Variants in SLC7A11 observed in about 807,000 individuals in gnomAD.
The protein encoded by SLC7A11 is solute carrier family 7 member 11.
SLC7A11 carries 35 observed loss-of-function variants against 54.5 expected under a neutral mutation model. The ratio of observed to expected loss-of-function variants is 0.64; its 90% CI spans 0.49 to 0.85. The LOEUF is 0.85. Among genes scored for constraint, SLC7A11 ranks in the 40% least tolerant of loss-of-function variants. The pLI is 0.00. For synonymous variants in SLC7A11, 230 were observed against 225.2 expected (o/e 1.02, Z -0.19); for missense variants, 583 against 618.1 (o/e 0.94, Z 0.60).
Position 138,232,371 on chromosome 4 carries a change from G to T in SLC7A11, c.416C>A (p.Thr139Asn). Residue 139 changes from threonine to asparagine, a missense_variant, in exon 3 of 12, where the codon ACT becomes AAT. Coordinates refer to ENST00000280612, the MANE Select transcript of SLC7A11 (RefSeq NM_014331.4). ...VELLIIRPAATAVISLAFGRY... is the reference protein window; with the variant it reads ...VELLIIRPAANAVISLAFGRY... ...TCCAAATGCCAGGGATATCACAGCA[G>T]TAGCTGCAGGGCTAAAAAAAAATGT... The T allele has an allele frequency of 6.3e-7, 1 of 1,599,318 alleles. No homozygotes were observed. Among genetic ancestry groups the T allele is most frequent in the African/African-American group, 1.3e-5 (1 of 74,704 alleles).
chr4:138,236,162 T>G (rs1209090125), intron 2 of SLC7A11, among the ~76,000 whole-genome samples, 163 bp downstream of exon 2: 1 of 152,224 alleles, frequency 6.6e-6, no homozygotes, highest in Non-Finnish European at 1.5e-5. Context: ...TAAAAATATC[T>G]TAATTCAGAA....
intron 1 of SLC7A11, among the ~76,000 whole-genome samples, chr4:138,238,657 T>A (rs1738300778): frequency 6.6e-6 from 1 of 152,026 alleles, no homozygotes; most frequent in Non-Finnish European, 1.5e-5. Flanking sequence ...TGGAGTGCAG[T>A]GGCACAATCT....
At chr4:138,202,970 G>C (rs183533126) in intron 6 of SLC7A11, among the ~76,000 whole-genome samples, 1 of 152,132 alleles carries the variant, frequency 6.6e-6, no homozygotes. Context: ...AATACGAAAT[G>C]AGTAAAATCA....
chr4:138,219,211 G>A, intron 5 of SLC7A11, 55 bp downstream of exon 5: 1 of 969,742 alleles, frequency 1.0e-6, no homozygotes, highest in South Asian at 1.4e-5. Flanking sequence ...TAATCTGAGT[G>A]CATAATGGGA....
chr4:138,238,044 C>T (rs13123740), intron 1 of SLC7A11, among the ~76,000 whole-genome samples: 68,132 of 151,534 alleles, frequency 0.45, 15,986 homozygotes, highest in Middle Eastern at 0.62. Context: ...TGAGCCACTG[C>T]GCCCGGCCCA....
chr4:138,180,825 C>A (rs1736723156), intron 9 of SLC7A11, 35 bp from the exon 10 acceptor site: 1 of 1,591,782 alleles, frequency 6.3e-7, no homozygotes, highest in African/African-American at 1.4e-5. Flanking sequence ...TTGGTGAATT[C>A]AGTGAAAACA....
chr4:138,218,386 A>G (rs1737727797), intron 5 of SLC7A11, among the ~76,000 whole-genome samples: 1 of 152,238 alleles, frequency 6.6e-6, no homozygotes, highest in Non-Finnish European at 1.5e-5. Flanking sequence ...TTATCCCAAA[A>G]CAATGAAATT....
intron 5 of SLC7A11, among the ~76,000 whole-genome samples, chr4:138,215,994 A>G (rs975068648): frequency 6.6e-6 from 1 of 152,222 alleles, no homozygotes; most frequent in Non-Finnish European, 1.5e-5. Context: ...AAGGGCTTGG[A>G]GCAGGATGGT....
chr4:138,176,642 C>T (rs1736577453), intron 11 of SLC7A11: 1 of 152,108 alleles, frequency 6.6e-6, no homozygotes, highest in Non-Finnish European at 1.5e-5. Flanking sequence ...AAAGTGGGAT[C>T]GAACAATGGC....
rs752680028 is a variant in SLC7A11, at chr4:138,170,271, T to TATATATATATATACACAC, written c.*1684_*1685insGTGTGTATATATATATAT. On this transcript the variant is annotated 3_prime_UTR_variant, in exon 12 of 12. Coordinates refer to ENST00000280612, the MANE Select transcript of SLC7A11 (RefSeq NM_014331.4). ...GTGTGTATATATATATATATATATA[T>TATATATATATATACACAC]ACACACACACACACACACACACATA... 6.3e-4 allele frequency: 54 copies of TATATATATATATACACAC among 86,228 alleles called. No individual in the cohort carries two copies. Among genetic ancestry groups the TATATATATATATACACAC allele is most frequent in the African/African-American group, 1.3e-3 (32 of 23,782 alleles). 5.3% of individuals were successfully genotyped at this position (86,228 alleles called of 1,614,324 possible).
At chr4:138,189,405 T>A (rs559888069) in intron 6 of SLC7A11, among the ~76,000 whole-genome samples, 2 of 152,068 alleles carry the variant, frequency 1.3e-5, no homozygotes, top group East Asian at 3.9e-4. Context: ...AGAGGTTGAG[T>A]GACATAACCA....
intron 6 of SLC7A11, 108 bp from the exon 7 acceptor site, chr4:138,185,352 T>A: frequency 8.0e-7 from 1 of 1,243,060 alleles, no homozygotes; most frequent in Non-Finnish European, 1.2e-6. Context: ...GTATCTACAA[T>A]AATTATAGGC....
At chr4:138,184,722 G>A (rs963888156) in intron 7 of SLC7A11, among the ~76,000 whole-genome samples, 2 of 152,060 alleles carry the variant, frequency 1.3e-5, no homozygotes, top group Non-Finnish European at 2.9e-5. Flanking sequence ...GACACTTGGG[G>A]AAAGGATTCT....
intron 6 of SLC7A11, among the ~76,000 whole-genome samples, chr4:138,185,450 G>A (rs1009142977): frequency 3.3e-5 from 5 of 152,186 alleles, no homozygotes; most frequent in Admixed American, 2.0e-4. Flanking sequence ...CAGATACTTC[G>A]TCTGTCTTGT....
At chr4:138,186,508 T>TC (rs1736884498) in intron 6 of SLC7A11, among the ~76,000 whole-genome samples, 1 of 152,082 alleles carries the variant, frequency 6.6e-6, no homozygotes, top group Non-Finnish European at 1.5e-5. Flanking sequence ...GCCTGACACT[T>TC]CCCCGGATTC....
intron 3 of SLC7A11, among the ~76,000 whole-genome samples, chr4:138,231,100 A>C (rs189075673): frequency 1.3e-5 from 2 of 152,286 alleles, no homozygotes; most frequent in East Asian, 3.9e-4. Flanking sequence ...GTCAAATACC[A>C]TAGGTTCTCA....
At chr4:138,228,952 T>C (rs938559363) in intron 3 of SLC7A11, among the ~76,000 whole-genome samples, 1 of 152,098 alleles carries the variant, frequency 6.6e-6, no homozygotes, top group African/African-American at 2.4e-5. Flanking sequence ...TGAAATACAG[T>C]ACTTAAAAAA....
rs773906836 is a variant in SLC7A11 at position 138,242,048 on chromosome 4, A to G, written c.22T>C (p.Ser8Pro). Residue 8 changes from serine (S) to proline (P), a missense_variant, in exon 1 of 12, where the codon TCC (serine) becomes CCC (proline). Coordinates refer to ENST00000280612, the MANE Select transcript of SLC7A11 (RefSeq NM_014331.4). The stretch of plus-strand genomic sequence containing the variant: ...AGGTAACCTCCTTTGGAGATGGTGG[A>G]CACAACAGGCTTTCTGACCATAGTA... Reference protein sequence around the residue: MVRKPVVSTISKGGYLQG... With the variant: MVRKPVVPTISKGGYLQG... 1 of 1,614,058 alleles carries G rather than the reference A, an allele frequency of 6.2e-7. No homozygotes were observed.
At chr4:138,174,273 A>G (rs1270356375) in intron 11 of SLC7A11, among the ~76,000 whole-genome samples, 1 of 152,158 alleles carries the variant, frequency 6.6e-6, no homozygotes, top group Non-Finnish European at 1.5e-5. Context: ...AGCAACTTAG[A>G]TCCTGCTGCT....
Sources: gnomAD v4.1 joint callset for allele counts (sites outside exome capture counted in the v4.1 genomes callset) on GRCh38, gnomAD v4.1.1 for gene constraint, MANE v1.5 for transcripts, NCBI Gene and HGNC (gene_info 2026-07-23, HGNC 2026-07-21) for gene names.